MALT1: variants seen among roughly 807,000 people sequenced by gnomAD.
MALT1 encodes the protein MALT1 paracaspase.
MALT1 carries 36 observed loss-of-function variants against 85.5 expected under a neutral mutation model. The ratio of observed to expected loss-of-function variants is 0.42; its 90% confidence interval spans 0.32 to 0.56. The LOEUF (loss-of-function observed/expected upper bound fraction) is 0.56, where lower values mean the gene tolerates loss of function less well. Ranked by LOEUF, MALT1 falls within the 20% of genes least tolerant of loss-of-function variation. MALT1 has a pLI of 0.10. For missense variants in MALT1, 716 were observed against 981.6 expected, an observed-to-expected ratio of 0.73 and a Z score of 3.62; for synonymous variants, 359 against 361.3, an observed-to-expected ratio of 0.99 and a Z score of 0.07.
Position 58,723,106 on chromosome 18 carries a change from C to G in MALT1, c.1077C>G (p.Leu359=), listed in dbSNP as rs2055007277. 1.2e-6 allele frequency: 2 copies of G among 1,613,792 alleles called. No individual in the cohort carries two copies. The highest frequency in any genetic ancestry group is 1.7e-6 in the Non-Finnish European group (2 of 1,179,852). Residue 359 remains leucine, a synonymous_variant, in exon 10 of 17, where the codon CTC becomes CTG. Coordinates refer to ENST00000649217, the MANE Select transcript of MALT1 (RefSeq NM_006785.4). Reference sequence around the variant, plus strand: ...TGAATTACCGGGAGCACCCCAAGCTCAAAGCTCCTTTGGTGGATGTGTACG... The same window carrying G: ...TGAATTACCGGGAGCACCCCAAGCTGAAAGCTCCTTTGGTGGATGTGTACG... ...GNMNYREHPK[L]KAPLVDVYEL...
At chr18:58,744,699 G>T (rs894156144) in intron 15 of MALT1, among the ~76,000 whole-genome samples, 4 of 152,048 alleles carry the variant, frequency 2.6e-5, no homozygotes, top group African/African-American at 9.7e-5. Flanking sequence ...AATGTCTAAA[G>T]TTCACTCAGG....
At chr18:58,691,254 C>G in intron 2 of MALT1, 1 of 417,958 alleles carries the variant, frequency 2.4e-6, no homozygotes, top group Non-Finnish European at 4.6e-6. Flanking sequence ...CTATCCTTAC[C>G]CCTATCTCCA....
At chr18:58,718,153 A>G (rs2054930001) in intron 9 of MALT1, among the ~76,000 whole-genome samples, 1 of 152,212 alleles carries the variant, frequency 6.6e-6, no homozygotes, top group Admixed American at 6.5e-5. Flanking sequence ...GGATTATACA[A>G]TGTAGTAGTT....
Position 58,681,221 on chromosome 18 carries a change from C to T in MALT1, c.261C>T (p.Ser87=). The change falls in exon 2 of 17, where the codon AGC becomes AGT. Residue 87 remains serine, a synonymous_variant. Coordinates refer to ENST00000649217, the MANE Select transcript of MALT1 (RefSeq NM_006785.4). The stretch of plus-strand genomic sequence containing the variant: ...TTAAGGTACTGGAGCCTGAAGGAAG[C>T]CCCAGCCTGTGTCTGCTGAAGTTAA... ...CSLKVLEPEG[S]PSLCLLKLMG... 2 of 1,614,104 alleles carry T rather than the reference C, an allele frequency of 1.2e-6. No homozygotes were observed. The highest frequency in any genetic ancestry group is 1.7e-6 in the Non-Finnish European group (2 of 1,179,988).
At chr18:58,705,125 T>A (rs1369240039) in intron 4 of MALT1, among the ~76,000 whole-genome samples, 1 of 152,178 alleles carries the variant, frequency 6.6e-6, no homozygotes, top group African/African-American at 2.4e-5. Context: ...AGTGGCTGTT[T>A]TAGAGATTAC....
intron 12 of MALT1, chr18:58,734,678 A>G (rs749797438): frequency 3.5e-5 from 10 of 281,786 alleles, no homozygotes; most frequent in Non-Finnish European, 6.6e-5. Context: ...TCTGCGTAGA[A>G]AATTTTAAAT....
At chr18:58,690,574 C>G (rs2054482948) in intron 2 of MALT1, 1 of 159,508 alleles carries the variant, frequency 6.3e-6, no homozygotes, top group Non-Finnish European at 1.4e-5. Flanking sequence ...CACCGCTGAT[C>G]TTCCTGCCCT....
At chr18:58,682,379 G>C (rs2054335590) in intron 2 of MALT1, among the ~76,000 whole-genome samples, 1 of 152,184 alleles carries the variant, frequency 6.6e-6, no homozygotes, top group Non-Finnish European at 1.5e-5. Flanking sequence ...GAAAAGCTTA[G>C]AGCAGGTTTG....
At chr18:58,674,997 C>G (rs933610116) in intron 1 of MALT1, among the ~76,000 whole-genome samples, 1 of 152,190 alleles carries the variant, frequency 6.6e-6, no homozygotes, top group African/African-American at 2.4e-5. Context: ...TAAATGTTTT[C>G]ATTGCTGATG....
chr18:58,735,230 C>G lies in MALT1; in HGVS notation c.1504C>G (p.Gln502Glu). ...TCAAGGAGCAGAAGCTTTTGAAATC[C>G]AGCATTCTGGATTGGCAAATGGAAT... The part of the protein sequence containing the change: ...TCQGAEAFEI[Q>E]HSGLANGIFM... Residue 502 changes from glutamine (Q) to glutamate (E), a missense_variant, in exon 13 of 17, where the codon CAG becomes GAG. Transcript: ENST00000649217. 1 of 1,606,788 alleles carries G rather than the reference C, an allele frequency of 6.2e-7. No individual in the cohort carries two copies.
At chr18:58,689,927 G>A (rs1408340179) in intron 2 of MALT1, among the ~76,000 whole-genome samples, 1 of 152,242 alleles carries the variant, frequency 6.6e-6, no homozygotes, top group Non-Finnish European at 1.5e-5. Context: ...CTGGAGCTTG[G>A]TGAGCCTGGA....
chr18:58,747,613 A>G lies in MALT1; in HGVS notation c.2246A>G (p.His749Arg). Residue 749 changes from histidine to arginine, a missense_variant, in exon 17 of 17, where the codon CAT becomes CGT. Physicochemically the swap from His to Arg is conservative, Grantham distance 29. Coordinates refer to ENST00000649217, the MANE Select transcript of MALT1 (RefSeq NM_006785.4). ...SSAATSGGAG[H>R]YHSLQDPFHG... ...GCAGCCACCTCAGGAGGAGCAGGGC[A>G]TTATCACTCATTGCAAGACCCATTC... The G allele has an allele frequency of 6.2e-7, 1 of 1,614,222 alleles. No individual in the cohort carries two copies. The highest frequency in any genetic ancestry group is 8.5e-7 in the Non-Finnish European group (1 of 1,180,034).
At chr18:58,742,322 T>TA (rs2055312608) in intron 14 of MALT1, among the ~76,000 whole-genome samples, 1 of 152,200 alleles carries the variant, frequency 6.6e-6, no homozygotes, top group Admixed American at 6.5e-5. Context: ...GATTCTCCTA[T>TA]ATTGTGACCT....
At chr18:58,690,215 T>C (rs1268584234) in intron 2 of MALT1, 1 of 152,270 alleles carries the variant, frequency 6.6e-6, no homozygotes, top group Non-Finnish European at 1.5e-5. Context: ...ATTATATCTG[T>C]CGTGGTGATC....
At position 58,735,273 on chromosome 18, in the gene MALT1, AAGAC is replaced by A; in HGVS notation, c.1551_1554del (p.Arg518TyrfsTer2). 2 of 1,610,600 alleles carry A rather than the reference AAGAC, an allele frequency of 1.2e-6. No homozygotes were observed. Among genetic ancestry groups the A allele is most frequent in the Non-Finnish European group, 1.7e-6 (2 of 1,178,850 alleles). On this transcript the variant is annotated frameshift_variant, in exon 13 of 17. Coordinates refer to ENST00000649217, the MANE Select transcript of MALT1 (RefSeq NM_006785.4). LOFTEE classifies it high-confidence loss of function. ...AATGGAATCTTTATGAAATTTTTAA[AAGAC>A]AGATTATTAGAAGATAAGAAAATCA...
intron 2 of MALT1, among the ~76,000 whole-genome samples, chr18:58,694,518 T>G (rs796303302): frequency 6.6e-5 from 10 of 152,350 alleles, no homozygotes; most frequent in African/African-American, 2.4e-4. Flanking sequence ...AAATTAAGTT[T>G]TATAAGTTTT....
chr18:58,738,151 T>C lies in MALT1; in HGVS notation c.1603+2822T>C, dbSNP rs929013026. On this transcript the variant is annotated intron_variant, in intron 13 of 16. Coordinates refer to ENST00000649217, the MANE Select transcript of MALT1 (RefSeq NM_006785.4). ...CATGATAACTACCATTCTAAACTTA[T>C]TCCTTTTTCGTTTTACATAGTTTTA... is the stretch of plus-strand genomic sequence containing the variant. 3.3e-5 allele frequency among the ~76,000 whole-genome samples: 5 copies of C among 152,212 alleles called. No homozygotes were observed. The East Asian group carries it at 7.7e-4, about 23-fold the overall frequency.
chr18:58,686,143 C>T (rs1355986416), intron 2 of MALT1, among the ~76,000 whole-genome samples: 6 of 152,154 alleles, frequency 3.9e-5, no homozygotes, highest in Non-Finnish European at 8.8e-5. Flanking sequence ...TCTTCTGCCT[C>T]AGTCTCCTGA....
At chr18:58,718,420 C>T (rs918252617) in intron 9 of MALT1, among the ~76,000 whole-genome samples, 8 of 152,320 alleles carry the variant, frequency 5.3e-5, no homozygotes, top group Admixed American at 2.6e-4. Context: ...CAGCAGGAGG[C>T]GAGTGAGCGA....
Sources: gnomAD v4.1 joint callset for allele counts (sites outside exome capture counted in the v4.1 genomes callset) on GRCh38, gnomAD v4.1.1 for gene constraint, MANE v1.5 for transcripts, NCBI Gene and HGNC (gene_info 2026-07-23, HGNC 2026-07-21) for gene names.